The following SLC44A5 variants were observed in gnomAD, a reference collection of about 807,000 sequenced individuals.
The protein encoded by SLC44A5 is solute carrier family 44 member 5, also known as choline transporter-like protein 5.
Under a neutral mutation model 101.8 loss-of-function variants are expected in SLC44A5, and 57 were observed. That is an observed-to-expected ratio of 0.56 (90% CI 0.45 to 0.70). SLC44A5 has a LOEUF of 0.70. SLC44A5 is among the 30% of genes least tolerant of loss of function. The pLI, the probability that SLC44A5 is intolerant of heterozygous loss-of-function variation, is 0.00. For missense variants in SLC44A5, 737 were observed against 853.1 expected (o/e 0.86, Z 1.70); for synonymous variants, 281 against 290.9 (o/e 0.97, Z 0.35).
At chr1:75,324,197 T>C (rs1656397963) in intron 4 of SLC44A5, among the ~76,000 whole-genome samples, 2 of 152,354 alleles carry the variant, frequency 1.3e-5, no homozygotes, top group South Asian at 2.1e-4. Context: ...TTGAATTTCC[T>C]GATTAGTTGT....
Position 75,236,992 on chromosome 1 carries a change from A to T in SLC44A5, c.735T>A (p.Ile245=). The T allele has an allele frequency of 6.3e-7, 1 of 1,580,288 alleles. No individual in the cohort carries two copies. Among genetic ancestry groups the T allele is most frequent in the Middle Eastern group, 1.7e-4 (1 of 5,944 alleles). Residue 245 remains isoleucine, a synonymous_variant, in exon 11 of 24, where the codon ATT becomes ATA. Coordinates refer to ENST00000370859, the MANE Select transcript of SLC44A5 (RefSeq NM_001130058.2). ...ATCTATGTGTTTTCACTTACATGAG[A>T]ATCCAATACCAAGTTCTTGCATAGT... ...FEDYARTWYW[I]LIGLTIAMVL...
At chr1:75,389,282 A>T (rs558856319) in intron 3 of SLC44A5, among the ~76,000 whole-genome samples, 16 of 152,288 alleles carry the variant, frequency 1.1e-4, no homozygotes, top group Admixed American at 3.3e-4. Context: ...CAGAAAACTA[A>T]CAAAGAAATT....
chr1:75,390,214 A>G (rs1661691291), intron 3 of SLC44A5, among the ~76,000 whole-genome samples: 1 of 152,106 alleles, frequency 6.6e-6, no homozygotes, highest in African/African-American at 2.4e-5. Flanking sequence ...CTCAGAGCCA[A>G]ATTCTACCAG....
chr1:75,427,688 T>C (rs1230932444), intron 2 of SLC44A5, among the ~76,000 whole-genome samples: 1 of 152,206 alleles, frequency 6.6e-6, no homozygotes, highest in Non-Finnish European at 1.5e-5. Context: ...GATGAGTTAG[T>C]TAATCTTTTG....
intron 19 of SLC44A5, 144 bp from the exon 20 acceptor site, chr1:75,214,822 G>GT: frequency 3.2e-6 from 2 of 617,256 alleles, no homozygotes; most frequent in Admixed American, 2.9e-5. Flanking sequence ...TGTATTTGTG[G>GT]GACACACTGT....
At chr1:75,537,005 CAAAAA>C (rs1167125855) in intron 2 of SLC44A5, among the ~76,000 whole-genome samples, 1 of 8,282 alleles carries the variant, frequency 1.2e-4, no homozygotes, top group East Asian at 4.2e-3. Flanking sequence ...GACTCCATCT[CAAAAA>C]AAAAAAAAAA....
intron 4 of SLC44A5, among the ~76,000 whole-genome samples, chr1:75,328,228 T>C (rs1656757277): frequency 6.6e-6 from 1 of 152,210 alleles, no homozygotes; most frequent in African/African-American, 2.4e-5. Context: ...CTTAAATATA[T>C]AGATTGATTG....
chr1:75,318,084 C>A (rs1167854825), intron 4 of SLC44A5, among the ~76,000 whole-genome samples: 3 of 152,070 alleles, frequency 2.0e-5, no homozygotes, highest in Non-Finnish European at 4.4e-5. Flanking sequence ...TCATTTAAAT[C>A]TGCTCTATAG....
intron 2 of SLC44A5, among the ~76,000 whole-genome samples, chr1:75,488,259 G>A (rs1265779516): frequency 3.9e-5 from 6 of 152,086 alleles, no homozygotes; most frequent in Non-Finnish European, 8.8e-5. Context: ...AAAGTCCGTG[G>A]AAAAATTGTC....
chr1:75,444,954 G>A (rs1665463524), intron 2 of SLC44A5, among the ~76,000 whole-genome samples: 1 of 152,078 alleles, frequency 6.6e-6, no homozygotes, highest in Non-Finnish European at 1.5e-5. Flanking sequence ...GAAAGAAGAA[G>A]GTGGGAAATA....
chr1:75,477,568 G>A (rs1457298274), intron 2 of SLC44A5, among the ~76,000 whole-genome samples: 1 of 152,180 alleles, frequency 6.6e-6, no homozygotes, highest in East Asian at 1.9e-4. Context: ...GGAGCTGATG[G>A]AGCTGAAAAC....
At chr1:75,522,238 C>A (rs996329159) in intron 2 of SLC44A5, 1 of 151,910 alleles carries the variant, frequency 6.6e-6, no homozygotes, top group Admixed American at 6.6e-5. Context: ...ATGTTTTGAG[C>A]AAACTGCTGG....
intron 1 of SLC44A5, among the ~76,000 whole-genome samples, chr1:75,575,838 C>T (rs891009092): frequency 6.6e-6 from 1 of 152,130 alleles, no homozygotes; most frequent in South Asian, 2.1e-4. Flanking sequence ...ATGTAGGATA[C>T]ACGAAGCCTG....
intron 2 of SLC44A5, among the ~76,000 whole-genome samples, chr1:75,501,655 G>C (rs1420464810): frequency 6.6e-6 from 1 of 152,150 alleles, no homozygotes. Context: ...GGGCCAAGGA[G>C]AGTTTATGTT....
intron 4 of SLC44A5, among the ~76,000 whole-genome samples, chr1:75,313,456 G>T (rs1481280719): frequency 6.6e-6 from 1 of 152,150 alleles, no homozygotes; most frequent in East Asian, 1.9e-4. Context: ...TCAGTTTTCT[G>T]CTGTGAATGT....
chr1:75,589,896 C>T (rs1470265706), intron 1 of SLC44A5, among the ~76,000 whole-genome samples: 6 of 152,120 alleles, frequency 3.9e-5, no homozygotes. Flanking sequence ...AATTGTCCAT[C>T]TCAGCAGTCT....
At chr1:75,445,998 C>G (rs1570303375) in intron 2 of SLC44A5, among the ~76,000 whole-genome samples, 1 of 152,074 alleles carries the variant, frequency 6.6e-6, no homozygotes, top group Non-Finnish European at 1.5e-5. Context: ...CATATGAGCT[C>G]TACCTCCAAA....
chr1:75,586,546 T>A (rs1309976533), intron 1 of SLC44A5, among the ~76,000 whole-genome samples: 1 of 151,922 alleles, frequency 6.6e-6, no homozygotes, highest in East Asian at 1.9e-4. Context: ...TTTGATTTTT[T>A]TTTTTGTTTG....
At chr1:75,420,660 C>A (rs1663948058) in intron 2 of SLC44A5, among the ~76,000 whole-genome samples, 1 of 152,038 alleles carries the variant, frequency 6.6e-6, no homozygotes, top group Non-Finnish European at 1.5e-5. Context: ...TATATGTTTT[C>A]AGATTATTGT....
Sources: allele counts gnomAD v4.1 joint callset (sites outside exome capture counted in the v4.1 genomes callset), GRCh38; gene constraint gnomAD v4.1.1; transcripts MANE v1.5; gene names NCBI Gene and HGNC (gene_info 2026-07-23, HGNC 2026-07-21).